Variants in RMI1 observed in about 807,000 individuals in gnomAD.
RMI1 encodes the protein recQ-mediated genome instability protein 1.
A neutral mutation model predicts 46.7 loss-of-function variants in RMI1; 36 were observed. The observed-to-expected ratio is 0.77, with a 90% CI of 0.59 to 1.02. The LOEUF is 1.02. Among genes scored for constraint, RMI1 ranks in the 50% least tolerant of loss-of-function variants. The pLI, the probability that RMI1 is intolerant of heterozygous loss-of-function variation, is 0.00. For missense variants in RMI1, 676 were observed against 713.7 expected, an observed-to-expected ratio of 0.95 and a Z score of 0.60; for synonymous variants, 250 against 252.9, an observed-to-expected ratio of 0.99 and a Z score of 0.11.
Position 83,998,077 on chromosome 9 carries a change from G to A in RMI1, c.-125-1632G>A, listed in dbSNP as rs1169675777. Among the ~76,000 whole-genome samples, 5 of 152,136 alleles carry A rather than the reference G, an allele frequency of 3.3e-5. No individual in the cohort carries two copies. In the East Asian group the frequency reaches 9.6e-4, roughly 29 times the overall value. On this transcript the variant is annotated intron_variant, in intron 1 of 2. Coordinates refer to ENST00000445877, the MANE Select transcript of RMI1 (RefSeq NM_001358291.2). ...CTCCCAGAATGCTGGGTTTACAGGC[G>A]TGAGCTACCATGCCCAGCCAAGATA...
At chr9:83,980,580 G>A (rs984095849), upstream of RMI1, 1 of 152,898 alleles carries the variant, frequency 6.5e-6, no homozygotes, top group Non-Finnish European at 1.5e-5. Context: ...AATGGCGTCT[G>A]CAGTGCTGTC....
In RMI1 at chr9:84,002,653, T is replaced by C; in HGVS notation, c.1667T>C (p.Phe556Ser). Residue 556 changes from phenylalanine to serine, a missense_variant, in exon 3 of 3, where the codon TTC becomes TCC. Coordinates refer to ENST00000445877, the MANE Select transcript of RMI1 (RefSeq NM_001358291.2). ...GAAATACTTACTAGCTTGATAGGGT[T>C]CTCAGTACCAGAAATGAAACAGTCA... ...VDEILTSLIG[F>S]SVPEMKQSKK... 6.2e-7 allele frequency: 1 copy of C among 1,613,950 alleles called. No individual in the cohort carries two copies. Among genetic ancestry groups the C allele is most frequent in the African/African-American group, 1.3e-5 (1 of 75,042 alleles).
At chr9:83,989,132 T>C (rs535427209) in intron 1 of RMI1, among the ~76,000 whole-genome samples, 105 of 152,326 alleles carry the variant, frequency 6.9e-4, no homozygotes, top group African/African-American at 2.5e-3. Context: ...GTGCCAGGCT[T>C]ATAGGTGTGA....
upstream of RMI1, chr9:83,980,389 G>A (rs1384998973): frequency 6.6e-6 from 1 of 152,642 alleles, no homozygotes. Flanking sequence ...TTCGGGCTGG[G>A]AGGCCACTAA....
At chr9:83,988,064 TAACAGATA>T (rs1454821670) in intron 1 of RMI1, among the ~76,000 whole-genome samples, 1 of 152,016 alleles carries the variant, frequency 6.6e-6, no homozygotes, top group African/African-American at 2.4e-5. Context: ...TAATTTTTTG[TAACAGATA>T]GAGAGATAGA....
intron 1 of RMI1, among the ~76,000 whole-genome samples, chr9:83,981,495 C>T (rs1355780478): frequency 6.6e-6 from 1 of 152,130 alleles, no homozygotes; most frequent in African/African-American, 2.4e-5. Flanking sequence ...TATTCGGTTC[C>T]TTACTTTTAA....
intron 1 of RMI1, among the ~76,000 whole-genome samples, chr9:83,991,949 TGTC>T (rs1435141902): frequency 1.3e-5 from 2 of 152,220 alleles, no homozygotes; most frequent in Non-Finnish European, 2.9e-5. Context: ...TTTTCAAAAT[TGTC>T]TTGGCAATTC....
Position 84,002,074 on chromosome 9 carries a change from C to T in RMI1, c.1088C>T (p.Ser363Phe). The change falls in exon 3 of 3, where the codon TCT becomes TTT. Residue 363 changes from serine (S) to phenylalanine (F), a missense_variant. Ser to Phe is a radical substitution (Grantham distance 155). Transcript: ENST00000445877. ...AATCCTAATACTACGAATAACTTTT[C>T]TTTGACTTGCAAAAATGGAAACAAT... is the stretch of plus-strand genomic sequence containing the variant. ...SHNPNTTNNF[S>F]LTCKNGNNNW... 6.2e-7 allele frequency: 1 copy of T among 1,613,728 alleles called. No individual in the cohort carries two copies. Among genetic ancestry groups the T allele is most frequent in the African/African-American group, 1.3e-5 (1 of 75,032 alleles).
In RMI1 at chr9:84,001,305, A is replaced by C; in HGVS notation, c.319A>C (p.Arg107=). 1 of 1,614,110 alleles carries C rather than the reference A, an allele frequency of 6.2e-7. No individual in the cohort carries two copies. Among genetic ancestry groups the C allele is most frequent in the Middle Eastern group, 1.6e-4 (1 of 6,062 alleles). Residue 107 remains arginine (R), a synonymous_variant, in exon 3 of 3, where the codon AGA becomes CGA. Transcript: ENST00000445877. ...TGCATACTCCCAGATACAGAAGTTG[A>C]GAGGAAAGAATACAACAAATGATCT... ...QPAYSQIQKL[R]GKNTTNDLVT...
intron 1 of RMI1, among the ~76,000 whole-genome samples, chr9:83,999,497 T>G (rs1218477300): frequency 6.6e-6 from 1 of 152,174 alleles, no homozygotes; most frequent in Non-Finnish European, 1.5e-5. Context: ...CATCAAATAC[T>G]ATACCTCCTA....
chr9:83,997,518 G>A (rs1347375462), intron 1 of RMI1, among the ~76,000 whole-genome samples: 3 of 152,046 alleles, frequency 2.0e-5, no homozygotes, highest in Non-Finnish European at 2.9e-5. Flanking sequence ...GTAACAGGGC[G>A]GGTCAGAGAG....
At chr9:83,981,960 A>G (rs1377795874) in intron 1 of RMI1, among the ~76,000 whole-genome samples, 2 of 152,252 alleles carry the variant, frequency 1.3e-5, no homozygotes, top group Middle Eastern at 3.2e-3. Flanking sequence ...CTGTTAGAAC[A>G]TAATGTCCGG....
At chr9:83,984,263 T>C (rs1588456884) in intron 1 of RMI1, among the ~76,000 whole-genome samples, 1 of 142,748 alleles carries the variant, frequency 7.0e-6, no homozygotes, top group Admixed American at 7.0e-5. Flanking sequence ...TAATATGGTA[T>C]GAACATACCT....
Position 84,001,257 on chromosome 9 carries a change from T to C in RMI1, c.271T>C (p.Ser91Pro), listed in dbSNP as rs1355498782. 2 of 1,614,094 alleles carry C rather than the reference T, an allele frequency of 1.2e-6. No individual in the cohort carries two copies. The highest frequency in any genetic ancestry group is 1.7e-6 in the Non-Finnish European group (2 of 1,179,978). ...LNGFYALQIN[S>P]LVDVSQPAYS... ...TGGATTTTATGCTCTGCAGATTAAT[T>C]CCTTGGTTGATGTAAGTCAGCCTGC... Residue 91 changes from serine (S) to proline (P), a missense_variant, in exon 3 of 3, where the codon TCC (serine) becomes CCC (proline). Coordinates refer to ENST00000445877, the MANE Select transcript of RMI1 (RefSeq NM_001358291.2).
intron 1 of RMI1, among the ~76,000 whole-genome samples, chr9:83,993,495 G>A (rs1957603633): frequency 6.6e-6 from 1 of 152,112 alleles, no homozygotes; most frequent in Non-Finnish European, 1.5e-5. Context: ...AGTTCATTTG[G>A]ATATACACCT....
chr9:83,982,815 G>A (rs780381741), intron 1 of RMI1, among the ~76,000 whole-genome samples: 4 of 151,854 alleles, frequency 2.6e-5, no homozygotes, highest in Admixed American at 6.6e-5. Flanking sequence ...TCTTCTTTAC[G>A]TCTTTTTAAT....
intron 1 of RMI1, among the ~76,000 whole-genome samples, chr9:83,985,712 T>A (rs774223898): frequency 1.3e-5 from 2 of 152,144 alleles, no homozygotes; most frequent in Non-Finnish European, 2.9e-5. Context: ...ACTTGCGGTG[T>A]TCAGTAGCAC....
At position 83,998,430 on chromosome 9, in the gene RMI1, G is replaced by A. The variant is rs550272233; in HGVS notation, c.-125-1279G>A. 3.7e-3 allele frequency among the ~76,000 whole-genome samples: 560 copies of A among 152,066 alleles called. 4 individuals are homozygous for A. Among genetic ancestry groups the A allele is most frequent in the Non-Finnish European group, 6.1e-3 (416 of 67,984 alleles). The stretch of plus-strand genomic sequence containing the variant: ...TATATGCTTCTATGTCTTCTTTTAT[G>A]GGACATTTAAAAATTTTTAATGGTA... On this transcript the variant is annotated intron_variant, in intron 1 of 2. Transcript: ENST00000445877.
Position 84,001,735 on chromosome 9 carries a change from G to A in RMI1, c.749G>A (p.Ser250Asn), listed in dbSNP as rs1280569714. The change falls in exon 3 of 3, where the codon AGT becomes AAT. Residue 250 changes from serine to asparagine, a missense_variant. Ser to Asn is a conservative substitution (Grantham distance 46). Coordinates refer to ENST00000445877, the MANE Select transcript of RMI1 (RefSeq NM_001358291.2). ...CCTTCTGATGAAGAACTCTTGGCAA[G>A]TCTTGATGAAAATGATGAGCTTACA... is the stretch of plus-strand genomic sequence containing the variant. ...LGPSDEELLASLDENDELTAN... is the reference protein window; with the variant it reads ...LGPSDEELLANLDENDELTAN... 1.9e-6 allele frequency: 3 copies of A among 1,613,880 alleles called. No homozygotes were observed. Among genetic ancestry groups the A allele is most frequent in the African/African-American group, 1.3e-5 (1 of 74,928 alleles).
Sources: allele counts gnomAD v4.1 joint callset (sites outside exome capture counted in the v4.1 genomes callset), GRCh38; gene constraint gnomAD v4.1.1; transcripts MANE v1.5; gene names NCBI Gene and HGNC (gene_info 2026-07-23, HGNC 2026-07-21).